Variants in CD163L1 observed in about 807,000 individuals in gnomAD.
CD163L1 encodes CD163 molecule like 1, also known as scavenger receptor cysteine-rich type 1 protein M160.
A neutral mutation model predicts 165.4 loss-of-function variants in CD163L1; 124 were observed. That is an observed-to-expected ratio of 0.75 (90% CI 0.65 to 0.87). CD163L1 has a LOEUF of 0.87. Ranked by LOEUF, CD163L1 falls within the 40% of genes least tolerant of loss-of-function variation. The probability of loss-of-function intolerance (pLI) is 0.00; values close to 1 mark genes in which losing one functional copy is unlikely to be tolerated. For synonymous variants in CD163L1, 585 were observed against 662.2 expected (o/e 0.88, Z 1.79); for missense variants, 1,525 against 1,799.9 (o/e 0.85, Z 2.76).
chr12:7,358,159 C>T (rs1168217009), intron 18 of CD163L1, among the ~76,000 whole-genome samples: 1 of 152,102 alleles, frequency 6.6e-6, no homozygotes, highest in Non-Finnish European at 1.5e-5. Context: ...CAGAGAATTG[C>T]AACTTATAGA....
In CD163L1 at chr12:7,374,855, C is replaced by G. The variant is rs1359349003; in HGVS notation, c.3070G>C (p.Glu1024Gln). 1 of 1,614,068 alleles carries G rather than the reference C, an allele frequency of 6.2e-7. No individual in the cohort carries two copies. Among genetic ancestry groups the G allele is most frequent in the Non-Finnish European group, 8.5e-7 (1 of 1,180,030 alleles). The change falls in exon 12 of 20, where the codon GAG becomes CAG. Residue 1024 changes from glutamate (E) to glutamine (Q), a missense_variant. Coordinates refer to ENST00000313599, the MANE Select transcript of CD163L1 (RefSeq NM_174941.6). The surrounding 1 kb of genome is among the most constrained non-coding windows in gnomAD (Gnocchi z 5.4). ...VSDPYLSAVP[E>Q]GSALICLEDK... ...CCTAAGCAGATCAAAGCACTGCCCTCTGGAACTGCAGACAAATATGGGTCA... is the reference window on the plus strand; with the variant it reads ...CCTAAGCAGATCAAAGCACTGCCCTGTGGAACTGCAGACAAATATGGGTCA...
the CD163L1 span, among the ~76,000 whole-genome samples, chr12:7,320,346 C>T: frequency 8.7e-4 from 132 of 152,280 alleles, no homozygotes; most frequent in African/African-American, 3.1e-3. Flanking sequence ...TTAGCTTATA[C>T]ATCCATAGTC....
At chr12:7,362,199 A>G (rs1377647637) in intron 18 of CD163L1, among the ~76,000 whole-genome samples, 1 of 139,164 alleles carries the variant, frequency 7.2e-6, no homozygotes, top group African/African-American at 2.7e-5. Context: ...TATATAACAT[A>G]TATAATATAT....
intron 2 of CD163L1, chr12:7,439,494 T>C (rs1293026022): frequency 6.3e-7 from 1 of 1,584,966 alleles, no homozygotes; most frequent in Non-Finnish European, 8.5e-7. Context: ...TCAGATCATC[T>C]GGGCTTTTCT....
chr12:7,373,681 G>T, intron 13 of CD163L1, 41 bp from the exon 14 acceptor site: 1 of 1,501,136 alleles, frequency 6.7e-7, no homozygotes, highest in Non-Finnish European at 8.9e-7. Context: ...TATTTCCTTT[G>T]GAGTTGGAAA....
intron 4 of CD163L1, among the ~76,000 whole-genome samples, chr12:7,423,451 T>C (rs1162809238): frequency 2.6e-5 from 4 of 151,766 alleles, no homozygotes; most frequent in Non-Finnish European, 5.9e-5. Flanking sequence ...ATTTAGAAGC[T>C]AGCAAAAGTC....
chr12:7,441,128 A>G (rs766740626), intron 2 of CD163L1, 26 bp downstream of exon 2: 5 of 1,555,512 alleles, frequency 3.2e-6, no homozygotes, highest in Non-Finnish European at 4.4e-6. Context: ...TTGTAAGCCC[A>G]AAAGTTATCA....
the CD163L1 span, chr12:7,327,029 G>T: frequency 1.2e-6 from 2 of 1,612,718 alleles, no homozygotes; most frequent in Non-Finnish European, 1.7e-6. Context: ...ACAACCCAGA[G>T]AAATTAACTC....
At chr12:7,381,607 A>G (rs1947409649) in intron 8 of CD163L1, among the ~76,000 whole-genome samples, 2 of 152,206 alleles carry the variant, frequency 1.3e-5, no homozygotes, top group Non-Finnish European at 2.9e-5. Flanking sequence ...GATCAGTCTT[A>G]GCAACTTTAC....
chr12:7,337,913 C>T, the CD163L1 span, among the ~76,000 whole-genome samples: 1 of 152,170 alleles, frequency 6.6e-6, no homozygotes, highest in Non-Finnish European at 1.5e-5. Flanking sequence ...TTGGAGCCAA[C>T]CCAAATGTCC....
chr12:7,424,162 G>C (rs893156203), intron 4 of CD163L1, among the ~76,000 whole-genome samples: 5 of 151,798 alleles, frequency 3.3e-5, no homozygotes, highest in African/African-American at 1.2e-4. Context: ...GGGATGCCAG[G>C]CTGGTTCAAC....
At chr12:7,328,385 A>T in the CD163L1 span, 18 of 1,566,492 alleles carry the variant, frequency 1.1e-5, no homozygotes, top group South Asian at 4.7e-5. Context: ...TTGATAACAA[A>T]GCTGAAGGGT....
chr12:7,348,812 T>A (rs1565763941), intron 4 of CD163L1, among the ~76,000 whole-genome samples: 1 of 106,110 alleles, frequency 9.4e-6, no homozygotes, highest in Admixed American at 1.1e-4. Flanking sequence ...GTCCTTGTTA[T>A]GTTTTTTTTT....
intron 8 of CD163L1, among the ~76,000 whole-genome samples, chr12:7,380,015 A>G (rs1409295072): frequency 6.6e-6 from 1 of 152,158 alleles, no homozygotes; most frequent in African/African-American, 2.4e-5. Flanking sequence ...ATGCAGTGGA[A>G]AGGGAACACT....
At chr12:7,334,862 G>A in the CD163L1 span, among the ~76,000 whole-genome samples, 1 of 152,106 alleles carries the variant, frequency 6.6e-6, no homozygotes. Flanking sequence ...CAAACAGAGA[G>A]CCAAATCATG....
At chr12:7,408,093 A>ATATCTCATATATATATATATATATATC (rs1555200524) in intron 4 of CD163L1, among the ~76,000 whole-genome samples, 1 of 150,218 alleles carries the variant, frequency 6.7e-6, no homozygotes, top group African/African-American at 2.5e-5. Context: ...ATATATATAT[A>ATATCTCATATATATATATATATATATC]TCATATATAT....
intron 1 of CD163L1, 77 bp from the exon 2 acceptor site, chr12:7,441,323 CA>C (rs1290079008): frequency 6.8e-6 from 7 of 1,025,986 alleles, no homozygotes; most frequent in East Asian, 4.8e-5. Flanking sequence ...GACTTAAATC[CA>C]AAATAAAATA....
rs779406463 is a variant in CD163L1, at chr12:7,358,910, T to C, written c.4280-1424A>G. Reference sequence around the variant, plus strand: ...CAGAGATGGAAGTTCAAAGAAAGAATTAAAAATGCAAGACATCAACAACAC... The same window carrying C: ...CAGAGATGGAAGTTCAAAGAAAGAACTAAAAATGCAAGACATCAACAACAC... On this transcript the variant is annotated intron_variant, in intron 18 of 19. Transcript: ENST00000313599. Among the ~76,000 whole-genome samples, 5 of 152,022 alleles carry C rather than the reference T, an allele frequency of 3.3e-5. No homozygotes were observed. In the East Asian group the frequency reaches 7.7e-4, roughly 24 times the overall value.
chr12:7,321,340 T>C, the CD163L1 span, among the ~76,000 whole-genome samples: 2 of 152,180 alleles, frequency 1.3e-5, no homozygotes, highest in Admixed American at 1.3e-4. Context: ...GAACATCCAG[T>C]AGAGTTGCAA....
Sources: allele counts gnomAD v4.1 joint callset (sites outside exome capture counted in the v4.1 genomes callset), GRCh38; gene constraint gnomAD v4.1.1; non-coding constraint Gnocchi (gnomAD v3.1); transcripts MANE v1.5; gene names NCBI Gene and HGNC (gene_info 2026-07-23, HGNC 2026-07-21).